NDUFAF4: variants seen among roughly 807,000 people sequenced by gnomAD.
NDUFAF4 encodes NADH:ubiquinone oxidoreductase complex assembly factor 4.
NDUFAF4 carries 10 observed loss-of-function variants against 15.6 expected under a neutral mutation model. The ratio of observed to expected loss-of-function variants is 0.64; its 90% CI spans 0.40 to 1.09. The LOEUF is 1.09. Ranked by LOEUF, NDUFAF4 falls within the 50% of genes least tolerant of loss-of-function variation. NDUFAF4 has a pLI of 0.01. For missense variants in NDUFAF4, 203 were observed against 207.3 expected, an observed-to-expected ratio of 0.98 and a Z score of 0.13; for synonymous variants, 77 against 73.3, an observed-to-expected ratio of 1.05 and a Z score of -0.26.
intron 2 of NDUFAF4, among the ~76,000 whole-genome samples, chr6:96,894,741 G>A (rs1356002022): frequency 6.6e-6 from 1 of 152,122 alleles, no homozygotes; most frequent in Non-Finnish European, 1.5e-5. Flanking sequence ...CAGTAACAAC[G>A]TTCCCTTTAC....
rs755724120 is a variant in NDUFAF4 at position 96,896,866 on chromosome 6, T to C, written c.137-19A>G. The C allele has an allele frequency of 1.3e-6, 2 of 1,562,198 alleles. No individual in the cohort carries two copies. Among genetic ancestry groups the C allele is most frequent in the South Asian group, 2.2e-5 (2 of 90,048 alleles). On this transcript the variant is annotated intron_variant, in intron 1 of 2. Transcript: ENST00000316149. Reference sequence around the variant, plus strand: ...GGATAGACTAAGGAAAGGAAAAAAGTCACAATATTAAAATCAAGGAAAATT... The same window carrying C: ...GGATAGACTAAGGAAAGGAAAAAAGCCACAATATTAAAATCAAGGAAAATT...
intron 2 of NDUFAF4, among the ~76,000 whole-genome samples, chr6:96,891,990 T>C (rs1180116845): frequency 1.3e-5 from 2 of 152,118 alleles, no homozygotes; most frequent in African/African-American, 4.8e-5. Context: ...TTAAGAAATG[T>C]AGGCATCTCT....
intron 2 of NDUFAF4, among the ~76,000 whole-genome samples, chr6:96,894,303 C>T (rs1425668399): frequency 6.6e-6 from 1 of 152,172 alleles, no homozygotes; most frequent in South Asian, 2.1e-4. Flanking sequence ...TTCTGGTTAT[C>T]AGACTGTGTG....
chr6:96,895,886 A>AG (rs1371402965), intron 2 of NDUFAF4, among the ~76,000 whole-genome samples: 2 of 152,156 alleles, frequency 1.3e-5, no homozygotes, highest in Admixed American at 1.3e-4. Flanking sequence ...GAAAAAAAAA[A>AG]TCTGGAAGTT....
At chr6:96,891,705 C>T (rs188230259) in intron 2 of NDUFAF4, among the ~76,000 whole-genome samples, 11 of 151,868 alleles carry the variant, frequency 7.2e-5, no homozygotes, top group African/African-American at 2.7e-4. Flanking sequence ...CAATATAAGC[C>T]GTGCCTGCTT....
rs1562144136 is a variant in NDUFAF4, at chr6:96,891,066, G to A, written c.*38C>T. 1.3e-6 allele frequency: 2 copies of A among 1,564,052 alleles called. No homozygotes were observed. On this transcript the variant is annotated 3_prime_UTR_variant, in exon 3 of 3. Coordinates refer to ENST00000316149, the MANE Select transcript of NDUFAF4 (RefSeq NM_014165.4). ...AAAATGAGAAAATATACAGCAGGAGGGATGAGGAGTACACATAGGAAATTT... is the reference window on the plus strand; with the variant it reads ...AAAATGAGAAAATATACAGCAGGAGAGATGAGGAGTACACATAGGAAATTT...
intron 2 of NDUFAF4, among the ~76,000 whole-genome samples, 194 bp from the exon 3 acceptor site, chr6:96,891,585 T>C (rs957246002): frequency 3.3e-5 from 5 of 152,092 alleles, no homozygotes; most frequent in African/African-American, 9.7e-5. Flanking sequence ...GACTAGATCA[T>C]GGGAGTGGAT....
At chr6:96,892,624 T>C (rs1775328921) in intron 2 of NDUFAF4, among the ~76,000 whole-genome samples, 1 of 152,104 alleles carries the variant, frequency 6.6e-6, no homozygotes. Flanking sequence ...CACTATAGTA[T>C]CTCACTACAT....
At position 96,889,475 on chromosome 6, in the gene NDUFAF4, T is replaced by G. The variant is rs569308295; in HGVS notation, c.*1629A>C. 6.6e-6 allele frequency: 1 copy of G among 152,248 alleles called. No homozygotes were observed. Among genetic ancestry groups the G allele is most frequent in the Non-Finnish European group, 1.5e-5 (1 of 68,032 alleles). The allele number at this position is 152,248 out of a possible 1,614,324, so 9.4% of individuals were successfully genotyped here. Reference sequence around the variant, plus strand: ...ATAAAAAGAATAAAGTTTTGACTTATTTACAGTTTTAAAATGCATTTTATA... The same window carrying G: ...ATAAAAAGAATAAAGTTTTGACTTAGTTACAGTTTTAAAATGCATTTTATA... On this transcript the variant is annotated 3_prime_UTR_variant, in exon 3 of 3. Coordinates refer to ENST00000316149, the MANE Select transcript of NDUFAF4 (RefSeq NM_014165.4).
chr6:96,891,000 G>T lies in NDUFAF4; in HGVS notation c.*104C>A. Reference sequence around the variant, plus strand: ...TATTAAGAGTATGCCCTCACAATGAGAGCATTAAATATTTGGTAATTAACA... The same window carrying T: ...TATTAAGAGTATGCCCTCACAATGATAGCATTAAATATTTGGTAATTAACA... On this transcript the variant is annotated 3_prime_UTR_variant, in exon 3 of 3. Coordinates refer to ENST00000316149, the MANE Select transcript of NDUFAF4 (RefSeq NM_014165.4). 9.5e-7 allele frequency: 1 copy of T among 1,055,212 alleles called. No homozygotes were observed. Among genetic ancestry groups the T allele is most frequent in the Non-Finnish European group, 1.4e-6 (1 of 708,690 alleles). The allele number at this position is 1,055,212 out of a possible 1,614,324, so 65.4% of individuals were successfully genotyped here. A position where few individuals can be genotyped will look rare whatever the true frequency, so the allele number is the denominator to read the frequency against.
chr6:96,891,022 A>G lies in NDUFAF4; in HGVS notation c.*82T>C. 7.7e-7 allele frequency: 1 copy of G among 1,291,874 alleles called. No homozygotes were observed. Among genetic ancestry groups the G allele is most frequent in the South Asian group, 1.3e-5 (1 of 79,538 alleles). The allele number at this position is 1,291,874 out of a possible 1,614,324, so 80.0% of individuals were successfully genotyped here. On this transcript the variant is annotated 3_prime_UTR_variant, in exon 3 of 3. Coordinates refer to ENST00000316149, the MANE Select transcript of NDUFAF4 (RefSeq NM_014165.4). Reference sequence around the variant, plus strand: ...TGAGAGCATTAAATATTTGGTAATTAACATAATTTATTACGCAAAAAATGA... The same window carrying G: ...TGAGAGCATTAAATATTTGGTAATTGACATAATTTATTACGCAAAAAATGA...
At chr6:96,892,982 T>G (rs1397129503) in intron 2 of NDUFAF4, among the ~76,000 whole-genome samples, 1 of 152,144 alleles carries the variant, frequency 6.6e-6, no homozygotes, top group Non-Finnish European at 1.5e-5. Context: ...TACATGCTCC[T>G]CAAATTCAAT....
chr6:96,891,546 A>C (rs1306709953), intron 2 of NDUFAF4, among the ~76,000 whole-genome samples, 155 bp from the exon 3 acceptor site: 4 of 152,106 alleles, frequency 2.6e-5, no homozygotes, highest in Non-Finnish European at 5.9e-5. Flanking sequence ...TGTAGTCCCC[A>C]AAGTTGGACG....
intron 2 of NDUFAF4, among the ~76,000 whole-genome samples, chr6:96,895,344 A>C (rs886265275): frequency 1.3e-5 from 2 of 152,222 alleles, no homozygotes; most frequent in Non-Finnish European, 2.9e-5. Flanking sequence ...GTCAGACAAC[A>C]AATAAATTAT....
chr6:96,896,960 T>C, intron 1 of NDUFAF4, 113 bp from the exon 2 acceptor site: 2 of 817,128 alleles, frequency 2.4e-6, no homozygotes, highest in Non-Finnish European at 4.1e-6. Flanking sequence ...GGAGTCTCGC[T>C]CTGTTGCCCA....
At position 96,896,811 on chromosome 6, in the gene NDUFAF4, T is replaced by C. The variant is rs1775381446; in HGVS notation, c.173A>G (p.Asp58Gly). The C allele has an allele frequency of 1.9e-6, 3 of 1,613,838 alleles. No homozygotes were observed. Among genetic ancestry groups the C allele is most frequent in the African/African-American group, 2.7e-5 (2 of 74,944 alleles). Residue 58 changes from aspartate (D) to glycine (G), a missense_variant, in exon 2 of 3, where the codon GAT (aspartate) becomes GGT (glycine). By Grantham distance (94) the Asp-to-Gly change is moderately conservative. Coordinates refer to ENST00000316149, the MANE Select transcript of NDUFAF4 (RefSeq NM_014165.4). The stretch of plus-strand genomic sequence containing the variant: ...TTTTAGAAACGACAGCAGCTTTTCA[T>C]CTTTACGAGCAATCTCTCCTTTAAC... ...PEVKGEIARK[D>G]EKLLSFLKDV...
chr6:96,897,052 G>A (rs1775387019), intron 1 of NDUFAF4: 4 of 513,616 alleles, frequency 7.8e-6, no homozygotes, highest in South Asian at 6.0e-5. Flanking sequence ...TCAGCCTCCC[G>A]ACAAGCTGAG....
At position 96,891,400 on chromosome 6, in the gene NDUFAF4, A is replaced by AG. The variant is rs1775314689; in HGVS notation, c.241-10_241-9insC. On this transcript the variant is annotated splice_polypyrimidine_tract_variant and intron_variant, in intron 2 of 2. Transcript: ENST00000316149. ...GTTTCAGCAGCTTTTACCTAGTATC[A>AG]AAAAAAAAAGGTTTTAGGATGAGAG... 7.6e-7 allele frequency: 1 copy of AG among 1,320,186 alleles called. No individual in the cohort carries two copies. Among genetic ancestry groups the AG allele is most frequent in the African/African-American group, 3.2e-5 (1 of 31,350 alleles). 81.8% of individuals were successfully genotyped at this position (1,320,186 alleles called of 1,614,324 possible).
At position 96,890,566 on chromosome 6, in the gene NDUFAF4, G is replaced by C. The variant is rs1396659512; in HGVS notation, c.*538C>G. ...AAATCCTCAATACTTCTTATTCCCT[G>C]GAGTAGTAATTTTAATTAGATTCTA... On this transcript the variant is annotated 3_prime_UTR_variant, in exon 3 of 3. Transcript: ENST00000316149. The C allele has an allele frequency of 6.5e-6, 1 of 152,870 alleles. No homozygotes were observed. Among genetic ancestry groups the C allele is most frequent in the East Asian group, 1.9e-4 (1 of 5,204 alleles). 9.5% of individuals were successfully genotyped at this position (152,870 alleles called of 1,614,324 possible).
Sources: allele counts gnomAD v4.1 joint callset (sites outside exome capture counted in the v4.1 genomes callset), GRCh38; gene constraint gnomAD v4.1.1; transcripts MANE v1.5; gene names NCBI Gene and HGNC (gene_info 2026-07-23, HGNC 2026-07-21).